Variants in SPATA22 observed in about 807,000 individuals in gnomAD.
The protein encoded by SPATA22 is spermatogenesis-associated protein 22.
SPATA22 carries 29 observed loss-of-function variants against 47.8 expected under a neutral mutation model. The ratio of observed to expected loss-of-function variants is 0.61; its 90% CI spans 0.45 to 0.83. The LOEUF (loss-of-function observed/expected upper bound fraction) is 0.83. SPATA22 is among the 40% of genes least tolerant of loss of function. SPATA22 has a pLI of 0.00. For synonymous variants in SPATA22, 133 were observed against 140.9 expected (o/e 0.94, Z 0.40); for missense variants, 410 against 421.7 (o/e 0.97, Z 0.24).
At position 3,443,178 on chromosome 17, in the gene SPATA22, T is replaced by C; in HGVS notation, c.896A>G (p.Glu299Gly). The C allele has an allele frequency of 6.2e-7, 1 of 1,604,408 alleles. No individual in the cohort carries two copies. The highest frequency in any genetic ancestry group is 8.5e-7 in the Non-Finnish European group (1 of 1,174,230). ...GKNTLPCVFYEIDRELPRLIR... is the reference protein window; with the variant it reads ...GKNTLPCVFYGIDRELPRLIR... ...GAGTACTTTAAAAATACTCACGATT[T>C]CATAAAAGACACAAGGCAGAGTATT... Residue 299 changes from glutamate to glycine, a missense_variant, in exon 8 of 9, where the codon GAA becomes GGA. Coordinates refer to ENST00000572969, the MANE Select transcript of SPATA22 (RefSeq NM_001170698.2).
chr17:3,513,526 A>C, exon 1 of SPATA22: 1 of 177,428 alleles, frequency 5.6e-6, no homozygotes, highest in Non-Finnish European at 1.2e-5. Context: ...CTGACGGGGG[A>C]AGCTGGCAGG....
At chr17:3,497,379 TGGG>T (rs2073927150) in intron 1 of SPATA22, among the ~76,000 whole-genome samples, 1 of 151,990 alleles carries the variant, frequency 6.6e-6, no homozygotes, top group Non-Finnish European at 1.5e-5. Context: ...GAACTATAAA[TGGG>T]TAGCATGAGG....
chr17:3,484,638 G>A (rs997493085), intron 1 of SPATA22, among the ~76,000 whole-genome samples: 2 of 152,198 alleles, frequency 1.3e-5, no homozygotes, highest in East Asian at 3.8e-4. Flanking sequence ...CAATACTTTT[G>A]TAAAATGTAA....
chr17:3,472,315 C>G (rs889046664), upstream of SPATA22: 1 of 152,580 alleles, frequency 6.6e-6, no homozygotes, highest in African/African-American at 2.4e-5. Context: ...AGCGAGGCAG[C>G]GCCGGGGCTG....
At chr17:3,503,139 G>A (rs2074009712) in intron 1 of SPATA22, 1 of 151,896 alleles carries the variant, frequency 6.6e-6, no homozygotes, top group Admixed American at 6.6e-5. Context: ...TCCATGATCT[G>A]TACCCCCAAT....
At chr17:3,493,533 C>T (rs1179564758) in intron 1 of SPATA22, among the ~76,000 whole-genome samples, 1 of 131,720 alleles carries the variant, frequency 7.6e-6, no homozygotes, top group Non-Finnish European at 1.5e-5. Context: ...TGCACTCCAG[C>T]CTGGGTGAAA....
intron 1 of SPATA22, chr17:3,483,592 G>C: frequency 3.7e-6 from 6 of 1,610,006 alleles, no homozygotes; most frequent in Non-Finnish European, 5.1e-6. Context: ...GTATCCTGTG[G>C]GTAAGTCATA....
intron 7 of SPATA22, among the ~76,000 whole-genome samples, chr17:3,444,530 A>G (rs2072676103): frequency 6.6e-6 from 1 of 152,072 alleles, no homozygotes; most frequent in Non-Finnish European, 1.5e-5. Flanking sequence ...ATAAGGAGAG[A>G]GTCAGAAGCT....
At chr17:3,446,363 G>T in intron 7 of SPATA22, 109 bp downstream of exon 7, 2 of 1,053,830 alleles carry the variant, frequency 1.9e-6, no homozygotes, top group South Asian at 1.6e-5. Context: ...TACACTTTAG[G>T]GAGTAGCAAA....
intron 3 of SPATA22, among the ~76,000 whole-genome samples, chr17:3,463,796 G>A (rs2073188788): frequency 6.6e-6 from 1 of 152,172 alleles, no homozygotes; most frequent in Non-Finnish European, 1.5e-5. Context: ...TGGTTATGCA[G>A]TGCATGGCTG....
chr17:3,496,260 C>T (rs566606249), intron 1 of SPATA22, among the ~76,000 whole-genome samples: 69 of 152,338 alleles, frequency 4.5e-4, no homozygotes, highest in Middle Eastern at 3.4e-3. Flanking sequence ...CCTCATGGAG[C>T]TTCCATCCCA....
rs981926212 is a variant in SPATA22 at position 3,446,585 on chromosome 17, T to G, written c.689A>C (p.Gln230Pro). Residue 230 changes from glutamine (Q) to proline (P), a missense_variant, in exon 7 of 9, where the codon CAG becomes CCG. Coordinates refer to ENST00000572969, the MANE Select transcript of SPATA22 (RefSeq NM_001170698.2). ...DNTLKETSLY[Q>P]LQFKEKASSL... Reference sequence around the variant, plus strand: ...ACTAGCTTTTTCCTTAAACTGTAACTGATACAATGAGGTTTCCTTTTGAAA... The same window carrying G: ...ACTAGCTTTTTCCTTAAACTGTAACGGATACAATGAGGTTTCCTTTTGAAA... 2.2e-5 allele frequency: 34 copies of G among 1,564,512 alleles called. No individual in the cohort carries two copies. Among genetic ancestry groups the G allele is most frequent in the Non-Finnish European group, 2.7e-5 (31 of 1,152,848 alleles).
chr17:3,496,407 G>A (rs1413312052), intron 1 of SPATA22, among the ~76,000 whole-genome samples: 1 of 152,292 alleles, frequency 6.6e-6, no homozygotes, highest in East Asian at 1.9e-4. Flanking sequence ...TAGACGGAGT[G>A]GTCACAAAGT....
intron 3 of SPATA22, 106 bp downstream of exon 3, chr17:3,467,320 A>G: frequency 3.1e-6 from 3 of 955,212 alleles, no homozygotes; most frequent in Non-Finnish European, 4.5e-6. Context: ...TGGATAATGG[A>G]AAGAAGAAAA....
upstream of SPATA22, chr17:3,475,664 C>T (rs926842807): frequency 2.3e-5 from 4 of 173,552 alleles, no homozygotes; most frequent in African/African-American, 9.6e-5. Flanking sequence ...ATGAAAAGTG[C>T]TTGAACTCAT....
intron 3 of SPATA22, among the ~76,000 whole-genome samples, chr17:3,465,369 G>A (rs1395620172): frequency 9.9e-5 from 15 of 152,004 alleles, no homozygotes; most frequent in African/African-American, 3.1e-4. Flanking sequence ...TTGAGAAATC[G>A]GATGGTTGCC....
chr17:3,479,664 C>T (rs533970439), intron 1 of SPATA22, among the ~76,000 whole-genome samples: 4 of 152,118 alleles, frequency 2.6e-5, no homozygotes, highest in Non-Finnish European at 5.9e-5. Flanking sequence ...GTCCCTTCTA[C>T]CTTCCCAGTG....
chr17:3,510,774 C>A (rs2074102524), intron 1 of SPATA22: 1 of 152,178 alleles, frequency 6.6e-6, no homozygotes, highest in Admixed American at 6.5e-5. Context: ...GATGACGGCC[C>A]ATCTACCTGG....
In SPATA22 at chr17:3,481,810, G is replaced by A. The variant is rs201507545; in HGVS notation, c.-73-12412C>T. On this transcript the variant is annotated intron_variant, in intron 1 of 8. Coordinates refer to the SPATA22 transcript ENST00000541913. Reference sequence around the variant, plus strand: ...TTCATTACATTAAGGTAATGTTAATGTTATTAATTTATAAGTTAGCAAAGG... The same window carrying A: ...TTCATTACATTAAGGTAATGTTAATATTATTAATTTATAAGTTAGCAAAGG... The A allele has an allele frequency of 6.3e-7, 1 of 1,575,330 alleles. No homozygotes were observed. The highest frequency in any genetic ancestry group is 1.3e-5 in the African/African-American group (1 of 74,114).
Sources: allele counts gnomAD v4.1 joint callset (sites outside exome capture counted in the v4.1 genomes callset), GRCh38; gene constraint gnomAD v4.1.1; transcripts MANE v1.5; gene names NCBI Gene and HGNC (gene_info 2026-07-23, HGNC 2026-07-21).